Variants in CADM2 observed in about 807,000 individuals in gnomAD.
The protein encoded by CADM2 is immunoglobulin superfamily member 4D.
Under a neutral mutation model 49.8 loss-of-function variants are expected in CADM2, and 12 were observed. That is an observed-to-expected ratio of 0.24 (90% CI 0.15 to 0.39). The LOEUF is 0.39. Ranked by LOEUF, CADM2 falls within the 10% of genes least tolerant of loss-of-function variation. The pLI is 1.00. For synonymous variants in CADM2, 214 were observed against 175.4 expected, an observed-to-expected ratio of 1.22 and a Z score of -1.74; for missense variants, 378 against 492.3, an observed-to-expected ratio of 0.77 and a Z score of 2.20.
chr3:85,453,803 A>G (rs2107574091), intron 1 of CADM2, among the ~76,000 whole-genome samples: 1 of 152,298 alleles, frequency 6.6e-6, no homozygotes, highest in South Asian at 2.1e-4. Flanking sequence ...GTAATTTTGG[A>G]ATATATAAAA....
intron 2 of CADM2, among the ~76,000 whole-genome samples, chr3:85,770,521 G>A (rs961183293): frequency 1.7e-4 from 26 of 151,982 alleles, no homozygotes; most frequent in African/African-American, 5.6e-4. Context: ...GTCTCACTAC[G>A]TTGCTCAGGC....
At chr3:85,601,144 A>C (rs879617210) in intron 1 of CADM2, among the ~76,000 whole-genome samples, 1 of 111,472 alleles carries the variant, frequency 9.0e-6, no homozygotes, top group African/African-American at 3.6e-5. Context: ...ATATATATAT[A>C]TATATATATA....
intron 1 of CADM2, among the ~76,000 whole-genome samples, chr3:85,278,179 A>C (rs2106875312): frequency 6.6e-6 from 1 of 151,376 alleles, no homozygotes; most frequent in African/African-American, 2.4e-5. Flanking sequence ...ACTAGTAGGT[A>C]CCTAATGACT....
chr3:85,688,291 A>C (rs1389431980), intron 1 of CADM2, among the ~76,000 whole-genome samples: 1 of 152,204 alleles, frequency 6.6e-6, no homozygotes, highest in African/African-American at 2.4e-5. Flanking sequence ...GAAAATATGT[A>C]AATGATTTGG....
intron 2 of CADM2, among the ~76,000 whole-genome samples, chr3:85,749,051 A>T (rs2068750097): frequency 6.6e-6 from 1 of 152,104 alleles, no homozygotes; most frequent in South Asian, 2.1e-4. Context: ...ATGCAGAATA[A>T]CAAGAGAAAT....
chr3:85,134,795 A>T (rs1180270084), intron 1 of CADM2, among the ~76,000 whole-genome samples: 3 of 152,082 alleles, frequency 2.0e-5, no homozygotes, highest in Non-Finnish European at 4.4e-5. Context: ...CAAATTTTTT[A>T]AAAATTTTAA....
At chr3:85,425,715 T>C (rs571397691) in intron 1 of CADM2, among the ~76,000 whole-genome samples, 67 of 152,300 alleles carry the variant, frequency 4.4e-4, no homozygotes, top group Non-Finnish European at 9.1e-4. Context: ...ACACCAGGTC[T>C]TGGGGGTGAC....
At chr3:85,177,827 C>T (rs567370793) in intron 1 of CADM2, among the ~76,000 whole-genome samples, 3 of 151,608 alleles carry the variant, frequency 2.0e-5, no homozygotes, top group Non-Finnish European at 4.4e-5. Context: ...ATAGAAAAGC[C>T]GTAGTTGTCA....
intron 8 of CADM2, among the ~76,000 whole-genome samples, chr3:86,028,614 C>A (rs1214963022): frequency 6.6e-6 from 1 of 151,990 alleles, no homozygotes; most frequent in Non-Finnish European, 1.5e-5. Context: ...CTGTATATTT[C>A]ACTTCTTTCT....
intron 3 of CADM2, among the ~76,000 whole-genome samples, chr3:85,821,049 A>T (rs1003984): frequency 0.23 from 35,359 of 152,044 alleles, 4,995 homozygotes; most frequent in African/African-American, 0.38. Context: ...TTTGACTTTC[A>T]TTATCATCCT....
intron 1 of CADM2, among the ~76,000 whole-genome samples, chr3:84,977,298 T>G (rs746927967): frequency 3.3e-5 from 5 of 151,918 alleles, no homozygotes; most frequent in African/African-American, 4.8e-5. Flanking sequence ...AGATAAGAAC[T>G]TAGGATGATA....
intron 1 of CADM2, among the ~76,000 whole-genome samples, chr3:85,359,214 G>T (rs2032125625): frequency 6.6e-6 from 1 of 152,084 alleles, no homozygotes; most frequent in Admixed American, 6.6e-5. Context: ...AATTCTAAAA[G>T]AAATGGATTA....
chr3:85,831,198 C>A (rs902105620), intron 3 of CADM2, among the ~76,000 whole-genome samples: 7 of 151,892 alleles, frequency 4.6e-5, no homozygotes, highest in Non-Finnish European at 8.8e-5. Context: ...TTTATCATTC[C>A]GTGAGGTACA....
intron 1 of CADM2, among the ~76,000 whole-genome samples, chr3:85,489,529 A>C (rs911675422): frequency 6.6e-6 from 1 of 152,150 alleles, no homozygotes; most frequent in African/African-American, 2.4e-5. Context: ...GAACATTAAT[A>C]ATCTAGATAA....
At chr3:85,340,041 T>C (rs1055073221) in intron 1 of CADM2, among the ~76,000 whole-genome samples, 1 of 151,430 alleles carries the variant, frequency 6.6e-6, no homozygotes, top group African/African-American at 2.4e-5. Flanking sequence ...TTCTTATTTT[T>C]CTATGGAGAA....
Position 85,195,077 on chromosome 3 carries a change from C to T in CADM2, c.61+235409C>T, listed in dbSNP as rs112071889. Among the ~76,000 whole-genome samples the T allele has an allele frequency of 2.1e-3, 318 of 152,060 alleles. 1 individual carries two copies. Among genetic ancestry groups the T allele is most frequent in the African/African-American group, 7.3e-3 (301 of 41,490 alleles). Reference sequence around the variant, plus strand: ...ACTTTGAGAAGCAGTTTAAAATCTACTGAAATATGGATTTAGTGGCAAAAG... The same window carrying T: ...ACTTTGAGAAGCAGTTTAAAATCTATTGAAATATGGATTTAGTGGCAAAAG... On this transcript the variant is annotated intron_variant, in intron 1 of 9. Transcript: ENST00000383699.
chr3:85,874,940 T>A (rs995593350), intron 3 of CADM2, among the ~76,000 whole-genome samples: 2 of 152,154 alleles, frequency 1.3e-5, no homozygotes, highest in African/African-American at 4.8e-5. Context: ...ATAGAAATAC[T>A]AGGGTGTAAA....
At chr3:85,481,085 A>G (rs1216918398) in intron 1 of CADM2, among the ~76,000 whole-genome samples, 1 of 151,492 alleles carries the variant, frequency 6.6e-6, no homozygotes, top group Non-Finnish European at 1.5e-5. Context: ...GGAAGTAGCA[A>G]AACAGAATAA....
chr3:85,507,725 CA>C (rs1176946237), intron 1 of CADM2, among the ~76,000 whole-genome samples: 1 of 152,118 alleles, frequency 6.6e-6, no homozygotes, highest in East Asian at 1.9e-4. Context: ...TTGTGCTCCT[CA>C]GCAATATTAT....
Sources: allele counts gnomAD v4.1 joint callset (sites outside exome capture counted in the v4.1 genomes callset), GRCh38; gene constraint gnomAD v4.1.1; transcripts MANE v1.5; gene names NCBI Gene and HGNC (gene_info 2026-07-23, HGNC 2026-07-21).